BICC1: variants seen among roughly 807,000 people sequenced by gnomAD.
BICC1 encodes protein bicaudal C homolog 1.
Under a neutral mutation model 111.0 loss-of-function variants are expected in BICC1, and 43 were observed. That is an observed-to-expected ratio of 0.39 (90% CI 0.30 to 0.50). BICC1 has a LOEUF of 0.50. Among genes scored for constraint, BICC1 ranks in the 20% least tolerant of loss-of-function variants. The pLI is 0.88. For missense variants in BICC1, 1,091 were observed against 1,203.2 expected, an observed-to-expected ratio of 0.91 and a Z score of 1.38; for synonymous variants, 467 against 434.4, an observed-to-expected ratio of 1.07 and a Z score of -0.93.
At chr10:58,791,430 C>T (rs1843172829) in intron 8 of BICC1, among the ~76,000 whole-genome samples, 1 of 152,112 alleles carries the variant, frequency 6.6e-6, no homozygotes, top group Non-Finnish European at 1.5e-5. Context: ...TTTTGTATAG[C>T]ACTATTCTTA....
intron 4 of BICC1, among the ~76,000 whole-genome samples, chr10:58,785,834 T>C (rs566525601): frequency 6.6e-6 from 1 of 152,332 alleles, no homozygotes; most frequent in African/African-American, 2.4e-5. Context: ...GGCTGTCTCA[T>C]TCTTAACCAC....
chr10:58,628,893 G>A (rs576908441), intron 2 of BICC1, among the ~76,000 whole-genome samples: 2 of 152,270 alleles, frequency 1.3e-5, no homozygotes, highest in South Asian at 4.2e-4. Flanking sequence ...TTGACTGGCT[G>A]GTAAAGGCCT....
intron 1 of BICC1, among the ~76,000 whole-genome samples, chr10:58,613,260 C>T (rs1466558174): frequency 6.6e-6 from 1 of 151,934 alleles, no homozygotes; most frequent in East Asian, 1.9e-4. Flanking sequence ...TACATCCAAG[C>T]GAATAAACTT....
At chr10:58,707,836 A>T (rs1204146094) in intron 3 of BICC1, among the ~76,000 whole-genome samples, 1 of 152,016 alleles carries the variant, frequency 6.6e-6, no homozygotes, top group East Asian at 1.9e-4. Flanking sequence ...AGCTGGGATT[A>T]CAAGGCACCT....
chr10:58,737,704 C>T (rs1224550930), intron 3 of BICC1, among the ~76,000 whole-genome samples: 1 of 152,088 alleles, frequency 6.6e-6, no homozygotes, highest in African/African-American at 2.4e-5. Context: ...AACTAGTTTA[C>T]AGTACCACCA....
At chr10:58,683,534 G>T (rs1839608200) in intron 2 of BICC1, among the ~76,000 whole-genome samples, 1 of 152,170 alleles carries the variant, frequency 6.6e-6, no homozygotes, top group Non-Finnish European at 1.5e-5. Flanking sequence ...TCTTCCATTT[G>T]TTTGTGTCCT....
intron 2 of BICC1, among the ~76,000 whole-genome samples, chr10:58,631,796 T>C (rs1430369255): frequency 1.3e-5 from 2 of 152,268 alleles, no homozygotes; most frequent in Non-Finnish European, 2.9e-5. Flanking sequence ...TCCACGTGCC[T>C]GTTTATTCTG....
chr10:58,740,338 T>C (rs1160780824), intron 3 of BICC1, among the ~76,000 whole-genome samples: 1 of 152,248 alleles, frequency 6.6e-6, no homozygotes, highest in Non-Finnish European at 1.5e-5. Flanking sequence ...TTAGAAATTA[T>C]ATTTTGGAAA....
At chr10:58,816,674 T>C (rs898057919) in intron 18 of BICC1, among the ~76,000 whole-genome samples, 18 of 151,482 alleles carry the variant, frequency 1.2e-4, no homozygotes, top group Admixed American at 1.1e-3. Context: ...GAAGACAGAT[T>C]TCCCACACAG....
chr10:58,788,938 A>T (rs1245722588), intron 6 of BICC1, among the ~76,000 whole-genome samples: 2 of 152,100 alleles, frequency 1.3e-5, no homozygotes, highest in African/African-American at 2.4e-5. Flanking sequence ...AAACATTTTT[A>T]AAAATTAGCC....
Position 58,578,368 on chromosome 10 carries a change from A to G in BICC1, c.191-42487A>G, listed in dbSNP as rs538179758. ...TTTCTACCAGTATACTGTGTGATCT[A>G]CCTTTGTCTTTTCCAACGTCGGGCC... is the stretch of plus-strand genomic sequence containing the variant. On this transcript the variant is annotated intron_variant, in intron 1 of 20. Transcript: ENST00000373886. Among the ~76,000 whole-genome samples, 318 of 152,106 alleles carry G rather than the reference A, an allele frequency of 2.1e-3. 1 individual carries two copies. Among genetic ancestry groups the G allele is most frequent in the Non-Finnish European group, 2.5e-3 (169 of 68,004 alleles).
chr10:58,596,950 A>AT (rs1325032335), intron 1 of BICC1, among the ~76,000 whole-genome samples: 4 of 152,250 alleles, frequency 2.6e-5, no homozygotes, highest in Admixed American at 6.5e-5. Context: ...GATAGGAAGA[A>AT]TCAATATTGT....
At chr10:58,659,402 TA>T (rs563767228) in intron 2 of BICC1, among the ~76,000 whole-genome samples, 17 of 152,134 alleles carry the variant, frequency 1.1e-4, no homozygotes, top group East Asian at 1.9e-4. Flanking sequence ...TACACACCCA[TA>T]AAAAAAGAAC....
chr10:58,532,410 G>A (rs1437510291), intron 1 of BICC1, among the ~76,000 whole-genome samples: 1 of 151,734 alleles, frequency 6.6e-6, no homozygotes, highest in African/African-American at 2.4e-5. Context: ...AGAGCAACAT[G>A]TATTCTGCTA....
chr10:58,581,492 A>G (rs1291975896), intron 1 of BICC1, among the ~76,000 whole-genome samples: 1 of 152,246 alleles, frequency 6.6e-6, no homozygotes, highest in Non-Finnish European at 1.5e-5. Context: ...TCAAGGCACA[A>G]CAAACTTAAA....
At chr10:58,700,314 T>C (rs73295644) in intron 2 of BICC1, among the ~76,000 whole-genome samples, 4,640 of 152,086 alleles carry the variant, frequency 0.031, 274 homozygotes, top group African/African-American at 0.11. Flanking sequence ...GAAGAGATAA[T>C]AGTGAATGCA....
At chr10:58,737,776 C>T (rs1181848374) in intron 3 of BICC1, among the ~76,000 whole-genome samples, 1 of 152,184 alleles carries the variant, frequency 6.6e-6, no homozygotes, top group Non-Finnish European at 1.5e-5. Flanking sequence ...TAATGATCAC[C>T]ATTCTAACTG....
intron 17 of BICC1, among the ~76,000 whole-genome samples, chr10:58,808,093 CTT>C (rs1843769236): frequency 7.3e-6 from 1 of 137,310 alleles, no homozygotes; most frequent in Non-Finnish European, 1.5e-5. Flanking sequence ...TTTTTTGTCT[CTT>C]TTGAGTAAGT....
At chr10:58,617,221 G>A (rs898445941) in intron 1 of BICC1, among the ~76,000 whole-genome samples, 5 of 152,356 alleles carry the variant, frequency 3.3e-5, no homozygotes, top group East Asian at 3.9e-4. Flanking sequence ...GGCTACAGTC[G>A]TCGTGCGGAT....
Sources: allele counts gnomAD v4.1 joint callset (sites outside exome capture counted in the v4.1 genomes callset), GRCh38; gene constraint gnomAD v4.1.1; transcripts MANE v1.5; gene names NCBI Gene and HGNC (gene_info 2026-07-23, HGNC 2026-07-21).